HK3: variants seen among roughly 807,000 people sequenced by gnomAD.
The protein encoded by HK3 is hexokinase-3.
In HK3, 93 loss-of-function variants were observed where a neutral mutation model predicts 91.0. The observed-to-expected ratio is 1.02, with a 90% CI of 0.86 to 1.21. The LOEUF (loss-of-function observed/expected upper bound fraction) is 1.21, where lower values mean the gene tolerates loss of function less well. HK3 is among the 50% of genes most tolerant of loss of function. The probability of loss-of-function intolerance (pLI) is 0.00; values close to 1 mark genes in which losing one functional copy is unlikely to be tolerated. For missense variants in HK3, 1,235 were observed against 1,247.4 expected (o/e 0.99, Z 0.15); for synonymous variants, 519 against 516.9 (o/e 1.00, Z -0.06).
chr5:176,897,809 C>T (rs1171780025), intron 1 of HK3, among the ~76,000 whole-genome samples: 1 of 152,274 alleles, frequency 6.6e-6, no homozygotes, highest in Non-Finnish European at 1.5e-5. Context: ...CCCAAGGTTT[C>T]ATTAATAGCT....
intron 1 of HK3, among the ~76,000 whole-genome samples, 199 bp downstream of exon 1, chr5:176,899,068 A>G (rs540250766): frequency 5.5e-4 from 83 of 152,256 alleles, no homozygotes; most frequent in African/African-American, 1.8e-3. Flanking sequence ...CCAGGAGGTC[A>G]AGGCTGGAGT....
In HK3 at chr5:176,881,767, A is replaced by G; in HGVS notation, c.2318T>C (p.Leu773Pro). 6.2e-7 allele frequency: 1 copy of G among 1,614,152 alleles called. No homozygotes were observed. Among genetic ancestry groups the G allele is most frequent in the Non-Finnish European group, 8.5e-7 (1 of 1,180,030 alleles). ...ILLHLTSLGV[L>P]FRGQQIQRLQ... ...GCGCTGGATCTGCTGGCCCCGGAAG[A>G]GAACGCCAAGGCTGGTTAAATGTAA... Residue 773 changes from leucine to proline, a missense_variant, in exon 17 of 19, where the codon CTC becomes CCC. Physicochemically the swap from Leu to Pro is moderately conservative, Grantham distance 98 (BLOSUM62 -3). This residue lies in a region of HK3 where 513 missense variants were observed against 477.4 expected (regional missense o/e 1.07). Coordinates refer to ENST00000292432, the MANE Select transcript of HK3 (RefSeq NM_002115.3).
rs1758756520 is a variant in HK3, at chr5:176,891,077, A to G, written c.374T>C (p.Phe125Ser). ...CAGCATCACCTCTTGGGGGATCACA[A>G]ACTCCTGGCTTCTGGGCTCCACCCT... ...GHRVEPRSQE[F>S]VIPQEVMLGA... Residue 125 changes from phenylalanine to serine, a missense_variant, in exon 4 of 19, where the codon TTT becomes TCT. Physicochemically the swap from Phe to Ser is radical, Grantham distance 155 (BLOSUM62 -2). Around this residue, in one of 3 missense-constraint regions of HK3, gnomAD observed 717 missense variants for 751.6 expected, o/e 0.95. Transcript: ENST00000292432. 6.2e-7 allele frequency: 1 copy of G among 1,613,984 alleles called. No homozygotes were observed. Among genetic ancestry groups the G allele is most frequent in the Non-Finnish European group, 8.5e-7 (1 of 1,180,012 alleles).
chr5:176,882,187 CACT>C (rs1162057772), intron 15 of HK3, 60 bp from the exon 16 acceptor site: 9 of 1,567,388 alleles, frequency 5.7e-6, no homozygotes, highest in Non-Finnish European at 7.8e-6. Flanking sequence ...ACCCTCTGAG[CACT>C]TCCCATACCG....
At chr5:176,890,395 T>G (rs1342411353) in intron 6 of HK3, among the ~76,000 whole-genome samples, 1 of 152,234 alleles carries the variant, frequency 6.6e-6, no homozygotes, top group East Asian at 1.9e-4. Context: ...TCTATTCATG[T>G]TTTTTTGCCC....
At position 176,891,305 on chromosome 5, in the gene HK3, G is replaced by A. The variant is rs1758766264; in HGVS notation, c.259+83C>T. On this transcript the variant is annotated intron_variant, in intron 3 of 18. Coordinates refer to ENST00000292432, the MANE Select transcript of HK3 (RefSeq NM_002115.3). ...CTGGTCAAGGGGCCATAGAGATGGG[G>A]GACAGGAATAAGGAACGTTTCCCTC... The A allele has an allele frequency of 7.5e-6, 12 of 1,606,152 alleles. No individual in the cohort carries two copies. The East Asian group carries it at 2.2e-4, about 30-fold the overall frequency.
intron 6 of HK3, 74 bp downstream of exon 6, chr5:176,890,561 G>A (rs1758737879): frequency 7.9e-7 from 1 of 1,273,284 alleles, no homozygotes; most frequent in Non-Finnish European, 1.1e-6. Flanking sequence ...TCTCTCAGAA[G>A]CCCAGACCCA....
chr5:176,889,344 G>T, intron 8 of HK3, 37 bp downstream of exon 8: 3 of 1,599,700 alleles, frequency 1.9e-6, no homozygotes, highest in Non-Finnish European at 2.6e-6. Flanking sequence ...CATAGACAGG[G>T]CCTGGAACCA....
At chr5:176,886,913 C>G in intron 13 of HK3, 89 bp downstream of exon 13, 1 of 1,507,184 alleles carries the variant, frequency 6.6e-7, no homozygotes, top group African/African-American at 1.4e-5. Context: ...CGCCACCGCC[C>G]AGCCTTTTCC....
chr5:176,896,418 C>T (rs1307264540), intron 1 of HK3, among the ~76,000 whole-genome samples: 1 of 152,226 alleles, frequency 6.6e-6, no homozygotes, highest in Non-Finnish European at 1.5e-5. Context: ...AAATGCCATT[C>T]GTTAATTCTG....
chr5:176,883,397 G>C (rs1758495876), intron 15 of HK3, among the ~76,000 whole-genome samples: 1 of 152,158 alleles, frequency 6.6e-6, no homozygotes, highest in Non-Finnish European at 1.5e-5. Context: ...GATGCCTTGA[G>C]ACAGGCATTG....
In HK3 at chr5:176,889,690, C is replaced by G; in HGVS notation, c.685G>C (p.Gly229Arg). 1.9e-6 allele frequency: 3 copies of G among 1,614,204 alleles called. No individual in the cohort carries two copies. In the South Asian group the frequency reaches 3.3e-5, roughly 18 times the overall value. Residue 229 changes from glycine to arginine, a missense_variant, in exon 7 of 19, where the codon GGC (glycine) becomes CGC (arginine). This residue lies in a region of HK3 where 717 missense variants were observed against 751.6 expected (regional missense o/e 0.95). Coordinates refer to ENST00000292432, the MANE Select transcript of HK3 (RefSeq NM_002115.3). Reference protein sequence around the residue: ...VVNDTVGTMMGCEPGVRPCEV... With the variant: ...VVNDTVGTMMRCEPGVRPCEV... ...CACGGCCTGACCCCCGGCTCACAGC[C>G]CATCATGGTGCCCACTGTGTCGTTC...
intron 15 of HK3, 92 bp from the exon 16 acceptor site, chr5:176,882,219 C>T: frequency 1.5e-6 from 2 of 1,298,718 alleles, no homozygotes; most frequent in African/African-American, 1.5e-5. Flanking sequence ...ACGATTCGGG[C>T]TCACTCTCTC....
chr5:176,881,710 A>T lies in HK3; in HGVS notation c.2375T>A (p.Phe792Tyr). The T allele has an allele frequency of 6.2e-7, 1 of 1,614,074 alleles. No individual in the cohort carries two copies. The highest frequency in any genetic ancestry group is 8.5e-7 in the Non-Finnish European group (1 of 1,180,028). Residue 792 changes from phenylalanine (F) to tyrosine (Y), a missense_variant, in exon 17 of 19, where the codon TTC (phenylalanine) becomes TAC (tyrosine). Physicochemically the swap from Phe to Tyr is conservative, Grantham distance 22 (BLOSUM62 3). This residue lies in a region of HK3 where 513 missense variants were observed against 477.4 expected (regional missense o/e 1.07). Transcript: ENST00000292432. ...CAGGCACCTTTCGATCTCAGAGAGGAACTTGGTCTTGAAGATGTCCCTGGT... is the reference window on the plus strand; with the variant it reads ...CAGGCACCTTTCGATCTCAGAGAGGTACTTGGTCTTGAAGATGTCCCTGGT... ...LQTRDIFKTK[F>Y]LSEIESDSLA...
At position 176,881,289 on chromosome 5, in the gene HK3, C is replaced by T; in HGVS notation, c.2627+13G>A. On this transcript the variant is annotated intron_variant, in intron 18 of 18. Transcript: ENST00000292432. ...GCCACACCTCCCTCCCCAGCCCGCA[C>T]ACCCAGACTCACCGCGGGTGCAGCT... is the stretch of plus-strand genomic sequence containing the variant. 1 of 1,613,728 alleles carries T rather than the reference C, an allele frequency of 6.2e-7. No individual in the cohort carries two copies. The highest frequency in any genetic ancestry group is 8.5e-7 in the Non-Finnish European group (1 of 1,179,900).
At chr5:176,881,239 G>A (rs949532976) in intron 18 of HK3, 22 bp from the exon 19 acceptor site, 5 of 1,613,150 alleles carry the variant, frequency 3.1e-6, no homozygotes, top group Non-Finnish European at 4.2e-6. Flanking sequence ...GGGCTGAGGT[G>A]AGCCCAGGCC....
In HK3 at chr5:176,887,861, GACCC is replaced by G; in HGVS notation, c.1305-119_1305-116del. 9.5e-7 allele frequency: 1 copy of G among 1,052,616 alleles called. No homozygotes were observed. Among genetic ancestry groups the G allele is most frequent in the Non-Finnish European group, 1.4e-6 (1 of 732,128 alleles). The allele number at this position is 1,052,616 out of a possible 1,614,324, so 65.2% of individuals were successfully genotyped here. On this transcript the variant is annotated intron_variant, in intron 10 of 18. Coordinates refer to ENST00000292432, the MANE Select transcript of HK3 (RefSeq NM_002115.3). This position sits in a 1 kb window ranked among gnomAD's most constrained non-coding sequence, Gnocchi z 4.9. ...TACAGGTGTGCCCAGCTTGGCCCCA[GACCC>G]CTAGGGCCTCCTGAAGCCCAAGGCC...
chr5:176,890,190 G>T (rs956398306), intron 6 of HK3, among the ~76,000 whole-genome samples: 1 of 152,266 alleles, frequency 6.6e-6, no homozygotes, highest in Non-Finnish European at 1.5e-5. Context: ...GGCCTTCTCT[G>T]AGACTAGATC....
At position 176,880,951 on chromosome 5, in the gene HK3, A is replaced by G; in HGVS notation, c.*122T>C. 1 of 1,144,138 alleles carries G rather than the reference A, an allele frequency of 8.7e-7. No individual in the cohort carries two copies. Among genetic ancestry groups the G allele is most frequent in the Non-Finnish European group, 1.2e-6 (1 of 836,016 alleles). 70.9% of individuals were successfully genotyped at this position (1,144,138 alleles called of 1,614,324 possible). The stretch of plus-strand genomic sequence containing the variant: ...CCAGGGAGCAAGGCCAAATGGCCGC[A>G]GAGGGGTCACACATGGGATGTCCCA... On this transcript the variant is annotated 3_prime_UTR_variant, in exon 19 of 19. Transcript: ENST00000292432.
Sources: allele counts gnomAD v4.1 joint callset (sites outside exome capture counted in the v4.1 genomes callset), GRCh38; gene constraint gnomAD v4.1.1; regional missense constraint gnomAD v4.1.1; non-coding constraint Gnocchi (gnomAD v3.1); transcripts MANE v1.5; gene names NCBI Gene and HGNC (gene_info 2026-07-23, HGNC 2026-07-21).